The following TENM2 variants were observed in gnomAD, a reference collection of about 807,000 sequenced individuals.
TENM2 encodes teneurin transmembrane protein 2.
Under a neutral mutation model 245.2 loss-of-function variants are expected in TENM2, and 52 were observed. The ratio of observed to expected loss-of-function variants is 0.21; its 90% confidence interval spans 0.17 to 0.27. TENM2 has a LOEUF of 0.27. TENM2 is among the 10% of genes least tolerant of loss of function. TENM2 has a pLI of 1.00. For missense variants in TENM2, 3,046 were observed against 3,666.8 expected (o/e 0.83, Z 4.37); for synonymous variants, 1,363 against 1,438.9 (o/e 0.95, Z 1.19).
the TENM2 span, among the ~76,000 whole-genome samples, chr5:167,258,198 C>CATATATAT: frequency 8.5e-5 from 12 of 141,874 alleles, no homozygotes; most frequent in African/African-American, 3.2e-4. Context: ...AATGTGTTGC[C>CATATATAT]ATATATATAT....
chr5:167,833,612 G>T (rs1273032826), intron 2 of TENM2, among the ~76,000 whole-genome samples: 1 of 152,212 alleles, frequency 6.6e-6, no homozygotes, highest in African/African-American at 2.4e-5. Flanking sequence ...CCTAGATTTA[G>T]CAGTGTGAAA....
intron 2 of TENM2, among the ~76,000 whole-genome samples, chr5:167,390,341 A>G (rs1761678160): frequency 6.6e-6 from 1 of 152,200 alleles, no homozygotes; most frequent in South Asian, 2.1e-4. Context: ...TTGTTAATTT[A>G]TAACAAACCA....
the TENM2 span, among the ~76,000 whole-genome samples, chr5:167,186,319 T>C: frequency 6.6e-6 from 1 of 152,188 alleles, no homozygotes; most frequent in Non-Finnish European, 1.5e-5. Context: ...CTGCTGTGTT[T>C]GAAAGATGTA....
intron 20 of TENM2, among the ~76,000 whole-genome samples, chr5:168,212,778 C>T (rs1168509694): frequency 6.6e-6 from 1 of 152,116 alleles, no homozygotes; most frequent in Admixed American, 6.5e-5. Flanking sequence ...ATTCACCAAC[C>T]TCATGTGATC....
At chr5:167,371,674 TG>T in intron 1 of TENM2, among the ~76,000 whole-genome samples, 1 of 152,214 alleles carries the variant, frequency 6.6e-6, no homozygotes, top group Middle Eastern at 3.4e-3. Context: ...TCTTTTCCTA[TG>T]TAATATTTAT....
At chr5:167,807,032 C>A (rs1583058371) in intron 2 of TENM2, among the ~76,000 whole-genome samples, 1 of 147,184 alleles carries the variant, frequency 6.8e-6, no homozygotes, top group African/African-American at 2.5e-5. Flanking sequence ...AGTCTCTAGT[C>A]CCTCTAGAGG....
rs530402637 is a variant in TENM2, at chr5:167,895,007, AAGGG to A, written c.712+18832_712+18835del. ...GAAGGAAGGAGGGAAGGAAGGAAGGAAGGGAGGGAGGGAGGGAGGGAGGCAGGGA... is the reference window on the plus strand; with the variant it reads ...GAAGGAAGGAGGGAAGGAAGGAAGGAAGGGAGGGAGGGAGGGAGGCAGGGA... On this transcript the variant is annotated intron_variant, in intron 3 of 28. Coordinates refer to ENST00000518659, the Ensembl canonical transcript of TENM2. Among the ~76,000 whole-genome samples the A allele has an allele frequency of 3.7e-3, 468 of 126,852 alleles. 9 individuals are homozygous for A. Among genetic ancestry groups the A allele is most frequent in the African/African-American group, 0.011 (395 of 34,460 alleles). The allele number at this position is 126,852 out of a possible 152,430, so 83.2% of individuals were successfully genotyped here.
the TENM2 span, among the ~76,000 whole-genome samples, chr5:167,009,015 T>G: frequency 6.6e-6 from 1 of 152,038 alleles, no homozygotes; most frequent in Middle Eastern, 3.2e-3. Flanking sequence ...TGTCCAAGTG[T>G]GTGGTTGTCA....
At chr5:166,985,706 A>T in the TENM2 span, among the ~76,000 whole-genome samples, 1 of 152,074 alleles carries the variant, frequency 6.6e-6, no homozygotes, top group Admixed American at 6.6e-5. Flanking sequence ...GGCCACAGAG[A>T]GGGCTGTGGA....
chr5:168,194,838 T>C (rs1052106579), intron 14 of TENM2, among the ~76,000 whole-genome samples: 2 of 152,244 alleles, frequency 1.3e-5, no homozygotes, highest in Admixed American at 6.5e-5. Context: ...CACCCGAGTA[T>C]GGCACTCTCG....
At chr5:167,151,309 T>C in the TENM2 span, among the ~76,000 whole-genome samples, 5 of 152,076 alleles carry the variant, frequency 3.3e-5, no homozygotes, top group Admixed American at 6.6e-5. Context: ...AAGGTGCCCA[T>C]TGAGTACCAT....
chr5:167,169,954 A>G, the TENM2 span, among the ~76,000 whole-genome samples: 1 of 152,208 alleles, frequency 6.6e-6, no homozygotes, highest in African/African-American at 2.4e-5. Context: ...ATACCATGGA[A>G]AGTATACAGA....
the TENM2 span, among the ~76,000 whole-genome samples, chr5:167,041,780 T>C: frequency 6.6e-6 from 1 of 152,162 alleles, no homozygotes; most frequent in Non-Finnish European, 1.5e-5. Context: ...TGTTCTTCAC[T>C]GAAATGGAAG....
the TENM2 span, among the ~76,000 whole-genome samples, chr5:167,049,557 A>C: frequency 1.4e-4 from 22 of 152,226 alleles, no homozygotes; most frequent in Non-Finnish European, 4.4e-5. Flanking sequence ...GTTAAGTAAA[A>C]ATCTTTATAT....
intron 1 of TENM2, among the ~76,000 whole-genome samples, chr5:167,332,349 T>G (rs960545880): frequency 2.6e-4 from 39 of 152,200 alleles, no homozygotes; most frequent in African/African-American, 9.2e-4. Flanking sequence ...TTTGTATGGA[T>G]AGCTCTTGCT....
chr5:167,649,729 A>T (rs147992951), intron 2 of TENM2, among the ~76,000 whole-genome samples: 30 of 152,294 alleles, frequency 2.0e-4, no homozygotes, highest in African/African-American at 6.3e-4. Context: ...GTGTGCCTTG[A>T]GGGTGCTAAC....
intron 6 of TENM2, among the ~76,000 whole-genome samples, chr5:168,057,818 A>C (rs535945647): frequency 6.6e-6 from 1 of 152,330 alleles, no homozygotes; most frequent in Non-Finnish European, 1.5e-5. Context: ...AATTCAGTTT[A>C]CATGTTGTCA....
intron 2 of TENM2, among the ~76,000 whole-genome samples, chr5:167,473,676 G>T (rs1767181684): frequency 6.6e-6 from 1 of 152,190 alleles, no homozygotes; most frequent in South Asian, 2.1e-4. Context: ...TCAATGTCCA[G>T]TAGGGGGTTA....
intron 3 of TENM2, among the ~76,000 whole-genome samples, chr5:167,898,792 G>T (rs929616142): frequency 6.6e-6 from 1 of 152,154 alleles, no homozygotes; most frequent in Admixed American, 6.5e-5. Context: ...TGAGAAGGAG[G>T]AGTCAAAGAT....
Sources: gnomAD v4.1 joint callset for allele counts (sites outside exome capture counted in the v4.1 genomes callset) on GRCh38, gnomAD v4.1.1 for gene constraint, MANE v1.5 for transcripts, NCBI Gene and HGNC (gene_info 2026-07-23, HGNC 2026-07-21) for gene names.